ATP6V1F: variants seen among roughly 807,000 people sequenced by gnomAD.
The protein encoded by ATP6V1F is V-type proton ATPase subunit F.
In ATP6V1F, 4 loss-of-function variants were observed where a neutral mutation model predicts 6.6. That is an observed-to-expected ratio of 0.60 (90% CI 0.30 to 1.38). The LOEUF (loss-of-function observed/expected upper bound fraction) is 1.38. Among genes scored for constraint, ATP6V1F ranks in the 40% most tolerant of loss-of-function variants. The pLI, the probability that ATP6V1F is intolerant of heterozygous loss-of-function variation, is 0.08. For synonymous variants in ATP6V1F, 68 were observed against 66.9 expected, an observed-to-expected ratio of 1.02 and a Z score of -0.08; for missense variants, 136 against 165.5, an observed-to-expected ratio of 0.82 and a Z score of 0.98.
intron 1 of ATP6V1F, among the ~76,000 whole-genome samples, chr7:128,864,204 C>T (rs956198858): frequency 5.3e-5 from 8 of 151,958 alleles, no homozygotes; most frequent in African/African-American, 9.7e-5. Context: ...ATTAGCCAGG[C>T]GTGGTGGCGG....
rs1809361036 is a variant in ATP6V1F at position 128,865,116 on chromosome 7, C to A, written c.159-261C>A. 2 of 1,535,530 alleles carry A rather than the reference C, an allele frequency of 1.3e-6. No homozygotes were observed. Among genetic ancestry groups the A allele is most frequent in the Admixed American group, 2.0e-5 (1 of 50,980 alleles). On this transcript the variant is annotated intron_variant, in intron 1 of 1. Coordinates refer to ENST00000249289, the MANE Select transcript of ATP6V1F (RefSeq NM_004231.4). This position sits in a 1 kb window ranked among gnomAD's most constrained non-coding sequence, Gnocchi z 4.4. Reference sequence around the variant, plus strand: ...TGTGCACCCTAATCAATCTTCATTACCAGTTCACTTGGAAGCCTTCCGGGC... The same window carrying A: ...TGTGCACCCTAATCAATCTTCATTAACAGTTCACTTGGAAGCCTTCCGGGC...
chr7:128,865,345 GTCCTGGACTCCCT>G lies in ATP6V1F; in HGVS notation c.159-29_159-17del, dbSNP rs1262749577. The G allele has an allele frequency of 6.2e-7, 1 of 1,612,540 alleles. No individual in the cohort carries two copies. On this transcript the variant is annotated intron_variant, in intron 1 of 1. Coordinates refer to ENST00000249289, the MANE Select transcript of ATP6V1F (RefSeq NM_004231.4). This position sits in a 1 kb window ranked among gnomAD's most constrained non-coding sequence, Gnocchi z 4.4. The stretch of plus-strand genomic sequence containing the variant: ...AGGAGAGACGGCAGCCCCCAGAGCT[GTCCTGGACTCCCT>G]TCTCATCTCTCCCCACAGGCAATTT...
At position 128,865,357 on chromosome 7, in the gene ATP6V1F, C is replaced by T; in HGVS notation, c.159-20C>T. 2 of 1,613,636 alleles carry T rather than the reference C, an allele frequency of 1.2e-6. No homozygotes were observed. Among genetic ancestry groups the T allele is most frequent in the Non-Finnish European group, 1.7e-6 (2 of 1,179,766 alleles). On this transcript the variant is annotated intron_variant, in intron 1 of 1. Transcript: ENST00000249289. This position sits in a 1 kb window ranked among gnomAD's most constrained non-coding sequence, Gnocchi z 4.4. ...AGCCCCCAGAGCTGTCCTGGACTCC[C>T]TTCTCATCTCTCCCCACAGGCAATT...
In ATP6V1F at chr7:128,865,743, T is replaced by A; in HGVS notation, c.*165T>A. On this transcript the variant is annotated 3_prime_UTR_variant, in exon 2 of 2. Coordinates refer to ENST00000249289, the MANE Select transcript of ATP6V1F (RefSeq NM_004231.4). This position sits in a 1 kb window ranked among gnomAD's most constrained non-coding sequence, Gnocchi z 4.4. The stretch of plus-strand genomic sequence containing the variant: ...TCTAGGTTGCTGGGGCTCTGCTGGT[T>A]AAGGAACAGGAAGCCTGACCATCTC... 3 of 695,748 alleles carry A rather than the reference T, an allele frequency of 4.3e-6. No homozygotes were observed. Among genetic ancestry groups the A allele is most frequent in the Non-Finnish European group, 4.7e-6 (2 of 423,510 alleles). 43.1% of individuals were successfully genotyped at this position (695,748 alleles called of 1,614,324 possible). A position where few individuals can be genotyped will look rare whatever the true frequency, so the allele number is the denominator to read the frequency against.
At chr7:128,863,623 G>A (rs1200228179) in intron 1 of ATP6V1F, among the ~76,000 whole-genome samples, 1 of 152,216 alleles carries the variant, frequency 6.6e-6, no homozygotes, top group East Asian at 1.9e-4. Flanking sequence ...CTAAGACCTT[G>A]CACTCAAGCC....
In ATP6V1F at chr7:128,865,383, T is replaced by A. The variant is rs1329040287; in HGVS notation, c.165T>A (p.Phe55Leu). 6.2e-7 allele frequency: 1 copy of A among 1,613,912 alleles called. No homozygotes were observed. The highest frequency in any genetic ancestry group is 8.5e-7 in the Non-Finnish European group (1 of 1,180,012). Reference sequence around the variant, plus strand: ...TTCTCATCTCTCCCCACAGGCAATTTCTAAACCGGGATGACATTGGCATCA... The same window carrying A: ...TTCTCATCTCTCCCCACAGGCAATTACTAAACCGGGATGACATTGGCATCA... ...INEIEDTFRQ[F>L]LNRDDIGIIL... Residue 55 changes from phenylalanine to leucine, a missense_variant, in exon 2 of 2, where the codon TTT (phenylalanine) becomes TTA (leucine). By Grantham distance (22) the Phe-to-Leu change is conservative (BLOSUM62 0). Transcript: ENST00000249289. The surrounding 1 kb of genome is among the most constrained non-coding windows in gnomAD (Gnocchi z 4.4).
At position 128,865,761 on chromosome 7, in the gene ATP6V1F, A is replaced by G; in HGVS notation, c.*183A>G. The G allele has an allele frequency of 1.6e-6, 1 of 620,548 alleles. No homozygotes were observed. Among genetic ancestry groups the G allele is most frequent in the South Asian group, 2.0e-5 (1 of 50,070 alleles). 38.4% of individuals were successfully genotyped at this position (620,548 alleles called of 1,614,324 possible). On this transcript the variant is annotated 3_prime_UTR_variant, in exon 2 of 2. Transcript: ENST00000249289. The surrounding 1 kb of genome is among the most constrained non-coding windows in gnomAD (Gnocchi z 4.4). ...TGCTGGTTAAGGAACAGGAAGCCTG[A>G]CCATCTCCCTCCACTACCTCTTCCC...
intron 1 of ATP6V1F, 78 bp downstream of exon 1, chr7:128,863,140 C>G: frequency 1.3e-6 from 2 of 1,500,424 alleles, no homozygotes; most frequent in Non-Finnish European, 1.8e-6. Flanking sequence ...GCTGCCCGGA[C>G]GGGGGTGAGG....
rs1405868597 is a variant in ATP6V1F at position 128,865,550 on chromosome 7, G to C, written c.332G>C (p.Gly111Ala). 3.1e-6 allele frequency: 5 copies of C among 1,613,920 alleles called. No individual in the cohort carries two copies. The highest frequency in any genetic ancestry group is 4.2e-6 in the Non-Finnish European group (5 of 1,180,038). ...GACTCCATCCTGCGCAGGGCCAGGG[G>C]CATGTTCACTGCCGAAGACCTGCGC... The part of the protein sequence containing the change: ...AKDSILRRAR[G>A]MFTAEDLR Residue 111 changes from glycine to alanine, a missense_variant, in exon 2 of 2, where the codon GGC (glycine) becomes GCC (alanine). Transcript: ENST00000249289. The surrounding 1 kb of genome is among the most constrained non-coding windows in gnomAD (Gnocchi z 4.4).
In ATP6V1F at chr7:128,865,346, T is replaced by C. The variant is rs1487469744; in HGVS notation, c.159-31T>C. ...GGAGAGACGGCAGCCCCCAGAGCTG[T>C]CCTGGACTCCCTTCTCATCTCTCCC... On this transcript the variant is annotated intron_variant, in intron 1 of 1. Coordinates refer to ENST00000249289, the MANE Select transcript of ATP6V1F (RefSeq NM_004231.4). This position sits in a 1 kb window ranked among gnomAD's most constrained non-coding sequence, Gnocchi z 4.4. The C allele has an allele frequency of 6.2e-7, 1 of 1,612,590 alleles. No individual in the cohort carries two copies. The highest frequency in any genetic ancestry group is 1.1e-5 in the South Asian group (1 of 90,968).
chr7:128,865,423 T>G lies in ATP6V1F; in HGVS notation c.205T>G (p.Tyr69Asp). Residue 69 changes from tyrosine to aspartate, a missense_variant, in exon 2 of 2, where the codon TAC becomes GAC. Physicochemically the swap from Tyr to Asp is radical, Grantham distance 160. Transcript: ENST00000249289. This position sits in a 1 kb window ranked among gnomAD's most constrained non-coding sequence, Gnocchi z 4.4. Reference sequence around the variant, plus strand: ...CATTGGCATCATCCTCATCAACCAGTACATCGCAGAGATGGTGCGGCATGC... The same window carrying G: ...CATTGGCATCATCCTCATCAACCAGGACATCGCAGAGATGGTGCGGCATGC... ...DDIGIILINQYIAEMVRHALD... is the reference protein window; with the variant it reads ...DDIGIILINQDIAEMVRHALD... 6.2e-7 allele frequency: 1 copy of G among 1,614,124 alleles called. No homozygotes were observed.
chr7:128,864,351 AAAAAT>A, intron 1 of ATP6V1F, among the ~76,000 whole-genome samples: 1 of 152,284 alleles, frequency 6.6e-6, no homozygotes, highest in Middle Eastern at 3.4e-3. Flanking sequence ...TCAAAAAAAT[AAAAAT>A]AAAATAAACA....
intron 1 of ATP6V1F, chr7:128,864,864 G>T (rs1585176713): frequency 1.6e-5 from 2 of 125,012 alleles, no homozygotes; most frequent in East Asian, 2.0e-4. Context: ...TATATAGATA[G>T]AGAGAGAGAG....
Position 128,865,739 on chromosome 7 carries a change from T to A in ATP6V1F, c.*161T>A, listed in dbSNP as rs1809380913. The A allele has an allele frequency of 5.5e-6, 4 of 722,282 alleles. No homozygotes were observed. In the South Asian group the frequency reaches 7.6e-5, roughly 14 times the overall value. 44.7% of individuals were successfully genotyped at this position (722,282 alleles called of 1,614,324 possible). A position where few individuals can be genotyped will look rare whatever the true frequency, so the allele number is the denominator to read the frequency against. ...CGCTTCTAGGTTGCTGGGGCTCTGC[T>A]GGTTAAGGAACAGGAAGCCTGACCA... On this transcript the variant is annotated 3_prime_UTR_variant, in exon 2 of 2. Coordinates refer to ENST00000249289, the MANE Select transcript of ATP6V1F (RefSeq NM_004231.4). The surrounding 1 kb of genome is among the most constrained non-coding windows in gnomAD (Gnocchi z 4.4).
At chr7:128,863,321 G>T (rs1438794243) in intron 1 of ATP6V1F, among the ~76,000 whole-genome samples, 1 of 152,202 alleles carries the variant, frequency 6.6e-6, no homozygotes, top group Admixed American at 6.5e-5. Context: ...CTAGACAGTG[G>T]GCTTGGACTT....
Position 128,865,312 on chromosome 7 carries a change from G to C in ATP6V1F, c.159-65G>C, listed in dbSNP as rs1403848797. 4.4e-6 allele frequency: 7 copies of C among 1,601,356 alleles called. No homozygotes were observed. The highest frequency in any genetic ancestry group is 2.2e-5 in the East Asian group (1 of 44,734). On this transcript the variant is annotated intron_variant, in intron 1 of 1. Coordinates refer to ENST00000249289, the MANE Select transcript of ATP6V1F (RefSeq NM_004231.4). The surrounding 1 kb of genome is among the most constrained non-coding windows in gnomAD (Gnocchi z 4.4). The stretch of plus-strand genomic sequence containing the variant: ...CCAGCCCAACAACTCGGAGAGGGCT[G>C]CCTGGGTAGGAGAGACGGCAGCCCC...
chr7:128,865,002 C>T lies in ATP6V1F; in HGVS notation c.159-375C>T. On this transcript the variant is annotated intron_variant, in intron 1 of 1. Coordinates refer to ENST00000249289, the MANE Select transcript of ATP6V1F (RefSeq NM_004231.4). This position sits in a 1 kb window ranked among gnomAD's most constrained non-coding sequence, Gnocchi z 4.4. ...ACAGGCGTGAGCCATCACAGCTGGCCTTCAGTATCTGCACATAAAAAGGGA... is the reference window on the plus strand; with the variant it reads ...ACAGGCGTGAGCCATCACAGCTGGCTTTCAGTATCTGCACATAAAAAGGGA... 1.1e-6 allele frequency: 1 copy of T among 900,878 alleles called. No individual in the cohort carries two copies. Among genetic ancestry groups the T allele is most frequent in the Admixed American group, 2.1e-5 (1 of 48,562 alleles). 55.8% of individuals were successfully genotyped at this position (900,878 alleles called of 1,614,324 possible).
chr7:128,864,929 C>T, intron 1 of ATP6V1F: 2 of 583,760 alleles, frequency 3.4e-6, no homozygotes, highest in Non-Finnish European at 6.2e-6. Context: ...TCTCAAACTC[C>T]TGGGTTCAAG....
At chr7:128,863,397 A>C (rs978901244) in intron 1 of ATP6V1F, among the ~76,000 whole-genome samples, 3 of 152,084 alleles carry the variant, frequency 2.0e-5, no homozygotes, top group Non-Finnish European at 2.9e-5. Context: ...TTTTTGTCCT[A>C]CTCACAGGTG....
Sources: gnomAD v4.1 joint callset for allele counts (sites outside exome capture counted in the v4.1 genomes callset) on GRCh38, gnomAD v4.1.1 for gene constraint, Gnocchi (gnomAD v3.1) non-coding constraint, MANE v1.5 for transcripts, NCBI Gene and HGNC (gene_info 2026-07-23, HGNC 2026-07-21) for gene names.